The following DPYSL4 variants were observed in gnomAD, a reference collection of about 807,000 sequenced individuals.
DPYSL4 encodes the protein dihydropyrimidinase-related protein 4.
In DPYSL4, 43 loss-of-function variants were observed where a neutral mutation model predicts 63.4. The ratio of observed to expected loss-of-function variants is 0.68; its 90% CI spans 0.53 to 0.88. The LOEUF is 0.88. Among genes scored for constraint, DPYSL4 ranks in the 40% least tolerant of loss-of-function variants. The pLI is 0.00. For synonymous variants in DPYSL4, 353 were observed against 331.7 expected, an observed-to-expected ratio of 1.06 and a Z score of -0.70; for missense variants, 733 against 819.5, an observed-to-expected ratio of 0.89 and a Z score of 1.29.
At position 132,194,869 on chromosome 10, in the gene DPYSL4, G is replaced by A. The variant is rs1339930692; in HGVS notation, c.338G>A (p.Gly113Asp). 2 of 1,612,812 alleles carry A rather than the reference G, an allele frequency of 1.2e-6. No homozygotes were observed. Among genetic ancestry groups the A allele is most frequent in the Non-Finnish European group, 1.7e-6 (2 of 1,179,912 alleles). ...MILDHVFPDT[G>D]VSLLAAYEQW... ...GTGGACCACGTCTTCCCCGACACGG[G>A]TGTGAGCCTGCTGGCGGCCTACGAG... The change falls in exon 4 of 14, where the codon GGT becomes GAT. Residue 113 changes from glycine (G) to aspartate (D), a missense_variant. Gly to Asp is a moderately conservative substitution (Grantham distance 94). Coordinates refer to ENST00000338492, the MANE Select transcript of DPYSL4 (RefSeq NM_006426.3).
chr10:132,189,040 A>G (rs915877527), intron 1 of DPYSL4, among the ~76,000 whole-genome samples: 2 of 152,220 alleles, frequency 1.3e-5, no homozygotes, highest in Non-Finnish European at 2.9e-5. Flanking sequence ...ACTCCTTCTC[A>G]TTCTGAGAGT....
chr10:132,192,625 C>T (rs776859571), intron 2 of DPYSL4, 33 bp from the exon 3 acceptor site: 20 of 1,572,654 alleles, frequency 1.3e-5, no homozygotes, highest in Middle Eastern at 1.7e-4. Context: ...GACCTGGGCT[C>T]CCTGTAACCA....
Position 132,187,093 on chromosome 10 carries a change from C to A in DPYSL4, c.30C>A (p.Pro10=). MSFQGKKSI[P]RITSDRLLIR... ...CCTTCCAGGGCAAGAAAAGCATCCC[C>A]CGGATCACGGTGAGCCCGGTCCCGC... The change falls in exon 1 of 14, where the codon CCC becomes CCA. Residue 10 remains proline (P), a synonymous_variant. Coordinates refer to ENST00000338492, the MANE Select transcript of DPYSL4 (RefSeq NM_006426.3). The A allele has an allele frequency of 6.6e-7, 1 of 1,504,998 alleles. No individual in the cohort carries two copies. Among genetic ancestry groups the A allele is most frequent in the East Asian group, 2.6e-5 (1 of 38,812 alleles). 93.2% of individuals were successfully genotyped at this position (1,504,998 alleles called of 1,614,324 possible). A position where few individuals can be genotyped will look rare whatever the true frequency, so the allele number is the denominator to read the frequency against.
At chr10:132,199,100 CGGGGT>C in intron 8 of DPYSL4, 129 bp downstream of exon 8, 6 of 1,362,884 alleles carry the variant, frequency 4.4e-6, no homozygotes, top group South Asian at 1.5e-5. Context: ...GTCCCTGCAT[CGGGGT>C]GGGGCACTGG....
intron 1 of DPYSL4, among the ~76,000 whole-genome samples, chr10:132,189,875 C>A (rs2061851363): frequency 6.6e-6 from 1 of 152,218 alleles, no homozygotes; most frequent in Admixed American, 6.5e-5. Flanking sequence ...GCCATGGAGT[C>A]CCCAGGCCTA....
chr10:132,191,900 T>C (rs1259365523), intron 2 of DPYSL4, among the ~76,000 whole-genome samples: 1 of 142,188 alleles, frequency 7.0e-6, no homozygotes, highest in African/African-American at 2.7e-5. Flanking sequence ...CAGATGAACA[T>C]AGTTCCCAGC....
At chr10:132,202,470 G>A (rs959642771) in intron 11 of DPYSL4, among the ~76,000 whole-genome samples, 176 bp from the exon 12 acceptor site, 3 of 152,276 alleles carry the variant, frequency 2.0e-5, no homozygotes, top group Non-Finnish European at 4.4e-5. Flanking sequence ...CGTAGGCCGA[G>A]GGGGGGCATT....
intron 1 of DPYSL4, among the ~76,000 whole-genome samples, chr10:132,187,349 C>G (rs1418651249): frequency 4.9e-5 from 3 of 61,080 alleles, no homozygotes; most frequent in African/African-American, 1.2e-4. Flanking sequence ...CGGCCCTGCC[C>G]GGCCCTGCCG....
intron 1 of DPYSL4, among the ~76,000 whole-genome samples, chr10:132,189,005 C>T (rs924699262): frequency 2.6e-5 from 4 of 152,234 alleles, no homozygotes; most frequent in African/African-American, 9.6e-5. Flanking sequence ...GCAGTGAATC[C>T]TGTAATGGAG....
intron 3 of DPYSL4, among the ~76,000 whole-genome samples, chr10:132,193,968 G>A (rs981984499): frequency 1.3e-5 from 2 of 152,272 alleles, no homozygotes; most frequent in African/African-American, 4.8e-5. Context: ...CCTTCAGGGG[G>A]CGGCCCAAGC....
rs1049906083 is a variant in DPYSL4, at chr10:132,199,407, CG to C, written c.811+443del. ...CACTGCAGAGAGCCTCAGGCCTGGG[CG>C]GGGGGGTGCCACCCAGAGCTGTGAT... On this transcript the variant is annotated intron_variant, in intron 8 of 13. Coordinates refer to ENST00000338492, the MANE Select transcript of DPYSL4 (RefSeq NM_006426.3). 2.0e-5 allele frequency among the ~76,000 whole-genome samples: 3 copies of C among 152,086 alleles called. No homozygotes were observed. The East Asian group carries it at 5.8e-4, about 29-fold the overall frequency.
At position 132,190,793 on chromosome 10, in the gene DPYSL4, A is replaced by G. The variant is rs755334082; in HGVS notation, c.86A>G (p.Gln29Arg). 1 of 1,613,862 alleles carries G rather than the reference A, an allele frequency of 6.2e-7. No individual in the cohort carries two copies. Among genetic ancestry groups the G allele is most frequent in the Non-Finnish European group, 8.5e-7 (1 of 1,179,884 alleles). ...GGTGGGAGGATCGTGAATGACGACC[A>G]GTCCTTTTACGCTGATGTGCACGTG... is the stretch of plus-strand genomic sequence containing the variant. ...IRGGRIVNDD[Q>R]SFYADVHVED... The change falls in exon 2 of 14, where the codon CAG (glutamine) becomes CGG (arginine). Residue 29 changes from glutamine to arginine, a missense_variant. Coordinates refer to ENST00000338492, the MANE Select transcript of DPYSL4 (RefSeq NM_006426.3).
chr10:132,201,717 C>T (rs117737291), intron 10 of DPYSL4, among the ~76,000 whole-genome samples: 3,311 of 152,322 alleles, frequency 0.022, 111 homozygotes, highest in South Asian at 0.11. Flanking sequence ...TCACGGGGGC[C>T]TGGTATCCGT....
Position 132,187,091 on chromosome 10 carries a change from C to A in DPYSL4, c.28C>A (p.Pro10Thr). ...GTCCTTCCAGGGCAAGAAAAGCATC[C>A]CCCGGATCACGGTGAGCCCGGTCCC... MSFQGKKSI[P>T]RITSDRLLIR... Residue 10 changes from proline to threonine, a missense_variant, in exon 1 of 14, where the codon CCC (proline) becomes ACC (threonine). By Grantham distance (38) the Pro-to-Thr change is conservative. Transcript: ENST00000338492. The A allele has an allele frequency of 6.7e-7, 1 of 1,502,066 alleles. No individual in the cohort carries two copies. The allele number at this position is 1,502,066 out of a possible 1,614,324, so 93.0% of individuals were successfully genotyped here. A position where few individuals can be genotyped will look rare whatever the true frequency, so the allele number is the denominator to read the frequency against.
At chr10:132,191,478 G>A (rs112841534) in intron 2 of DPYSL4, among the ~76,000 whole-genome samples, 7 of 78,244 alleles carry the variant, frequency 8.9e-5, no homozygotes, top group Non-Finnish European at 2.0e-4. Flanking sequence ...CCCAGCTCGT[G>A]TGTACACGCT....
At chr10:132,190,087 C>T (rs2061853637) in intron 1 of DPYSL4, among the ~76,000 whole-genome samples, 1 of 152,266 alleles carries the variant, frequency 6.6e-6, no homozygotes, top group Admixed American at 6.5e-5. Context: ...CCCCAGAGGT[C>T]CTTCTCCCAG....
At chr10:132,197,534 C>T (rs1032447459) in intron 6 of DPYSL4, among the ~76,000 whole-genome samples, 14 of 152,210 alleles carry the variant, frequency 9.2e-5, no homozygotes, top group African/African-American at 2.9e-4. Flanking sequence ...TGCAGTGGCG[C>T]CGACCCCCCA....
At chr10:132,192,530 C>T (rs569989881) in intron 2 of DPYSL4, 128 bp from the exon 3 acceptor site, 329 of 1,427,138 alleles carry the variant, frequency 2.3e-4, no homozygotes, top group Non-Finnish European at 2.6e-4. Context: ...AGTGAGTGGC[C>T]GGCCGTGCTG....
Position 132,200,459 on chromosome 10 carries a change from C to T in DPYSL4, c.915C>T (p.Pro305=). 22 of 1,613,504 alleles carry T rather than the reference C, an allele frequency of 1.4e-5. No homozygotes were observed. The highest frequency in any genetic ancestry group is 1.7e-5 in the Admixed American group (1 of 60,012). Residue 305 remains proline, a synonymous_variant, in exon 9 of 14, where the codon CCC becomes CCT. Coordinates refer to ENST00000338492, the MANE Select transcript of DPYSL4 (RefSeq NM_006426.3). The stretch of plus-strand genomic sequence containing the variant: ...AGGCCGCAGCCTTCGTCACATCACC[C>T]CCTGTCAACCCAGACCCCACCACGG... ...WAKAAAFVTS[P]PVNPDPTTAD...
Sources: gnomAD v4.1 joint callset for allele counts (sites outside exome capture counted in the v4.1 genomes callset) on GRCh38, gnomAD v4.1.1 for gene constraint, MANE v1.5 for transcripts, NCBI Gene and HGNC (gene_info 2026-07-23, HGNC 2026-07-21) for gene names.